WDR3: variants seen among roughly 807,000 people sequenced by gnomAD.
WDR3 encodes WD repeat domain 3.
Under a neutral mutation model 123.7 loss-of-function variants are expected in WDR3, and 81 were observed. The observed-to-expected ratio is 0.65, with a 90% CI of 0.55 to 0.79. The LOEUF is 0.79. Among genes scored for constraint, WDR3 ranks in the 30% least tolerant of loss-of-function variants. WDR3 has a pLI of 0.00. For missense variants in WDR3, 1,027 were observed against 1,123.2 expected, an observed-to-expected ratio of 0.91 and a Z score of 1.22; for synonymous variants, 390 against 388.8, an observed-to-expected ratio of 1.00 and a Z score of -0.04.
chr1:117,955,571 A>G (rs1337747646), intron 24 of WDR3, among the ~76,000 whole-genome samples: 1 of 152,164 alleles, frequency 6.6e-6, no homozygotes, highest in Admixed American at 6.5e-5. Flanking sequence ...GCTTTTAAGG[A>G]CAAATAAAGG....
chr1:117,934,457 A>T lies in WDR3; in HGVS notation c.172-16A>T. 4 of 1,612,122 alleles carry T rather than the reference A, an allele frequency of 2.5e-6. No individual in the cohort carries two copies. The highest frequency in any genetic ancestry group is 3.4e-6 in the Non-Finnish European group (4 of 1,179,394). Reference sequence around the variant, plus strand: ...GCTTAACTCTTCTACATTGTTTTTAATTTTTATGATTTCAGATTCTTATCC... The same window carrying T: ...GCTTAACTCTTCTACATTGTTTTTATTTTTTATGATTTCAGATTCTTATCC... On this transcript the variant is annotated splice_polypyrimidine_tract_variant and intron_variant, in intron 2 of 26. Transcript: ENST00000349139.
rs895818496 is a variant in WDR3 at position 117,964,452 on chromosome 1, G to A, written c.*5005G>A. On this transcript the variant is annotated 3_prime_UTR_variant, in exon 27 of 27. Transcript: ENST00000349139. ...CAGGTATTTGCATCTAATAACCTGT[G>A]TGGAGAGGGTAAGGGCACTTGATTT... 6.6e-6 allele frequency: 1 copy of A among 152,264 alleles called. No individual in the cohort carries two copies. The highest frequency in any genetic ancestry group is 2.4e-5 in the African/African-American group (1 of 41,412). 9.4% of individuals were successfully genotyped at this position (152,264 alleles called of 1,614,324 possible). A position where few individuals can be genotyped will look rare whatever the true frequency, so the allele number is the denominator to read the frequency against.
At chr1:117,948,841 C>T (rs117391080) in intron 13 of WDR3, among the ~76,000 whole-genome samples, 2 of 152,236 alleles carry the variant, frequency 1.3e-5, no homozygotes, top group East Asian at 3.9e-4. Flanking sequence ...CTCAAACAAA[C>T]ATCTATGACT....
At chr1:117,956,364 C>G (rs1652193878) in intron 24 of WDR3, among the ~76,000 whole-genome samples, 3 of 152,122 alleles carry the variant, frequency 2.0e-5, no homozygotes, top group Non-Finnish European at 2.9e-5. Context: ...GTTTGAACTA[C>G]TGAAGGCTAT....
At chr1:117,955,423 A>G (rs1652057752) in intron 24 of WDR3, 65 bp downstream of exon 24, 1 of 1,432,968 alleles carries the variant, frequency 7.0e-7, no homozygotes, top group Non-Finnish European at 9.7e-7. Flanking sequence ...TGCTTATCTG[A>G]ACGGGAAATA....
intron 13 of WDR3, among the ~76,000 whole-genome samples, chr1:117,949,538 C>T (rs922641995): frequency 6.6e-6 from 1 of 152,112 alleles, no homozygotes; most frequent in Non-Finnish European, 1.5e-5. Flanking sequence ...GTTATTATTT[C>T]TGCCTATGTT....
chr1:117,960,862 A>G lies in WDR3; in HGVS notation c.*1415A>G, dbSNP rs545570520. 1 of 152,376 alleles carries G rather than the reference A, an allele frequency of 6.6e-6. No individual in the cohort carries two copies. The highest frequency in any genetic ancestry group is 6.5e-5 in the Admixed American group (1 of 15,308). 9.4% of individuals were successfully genotyped at this position (152,376 alleles called of 1,614,324 possible). On this transcript the variant is annotated 3_prime_UTR_variant, in exon 27 of 27. Transcript: ENST00000349139. ...ATTTGCGTGTATTTTATGGCAGTAA[A>G]TGATAAAATAGTCTAGTATCTACAT... is the stretch of plus-strand genomic sequence containing the variant.
chr1:117,952,566 C>T lies in WDR3; in HGVS notation c.2055C>T (p.Pro685=). 1 of 1,613,434 alleles carries T rather than the reference C, an allele frequency of 6.2e-7. No individual in the cohort carries two copies. Among genetic ancestry groups the T allele is most frequent in the Non-Finnish European group, 8.5e-7 (1 of 1,179,616 alleles). The change falls in exon 19 of 27, where the codon CCC becomes CCT. Residue 685 remains proline (P), a synonymous_variant. Coordinates refer to ENST00000349139, the MANE Select transcript of WDR3 (RefSeq NM_006784.3). ...HQEIWCLAVS[P]SGDYVVSSSH... ...AAATATGGTGTTTGGCTGTAAGCCC[C>T]AGTGGAGACTATGTTGTATCATCGT...
chr1:117,949,854 G>A lies in WDR3; in HGVS notation c.1610+18G>A, dbSNP rs1651541092. 3.1e-6 allele frequency: 5 copies of A among 1,612,600 alleles called. No individual in the cohort carries two copies. The highest frequency in any genetic ancestry group is 2.2e-5 in the East Asian group (1 of 44,868). Reference sequence around the variant, plus strand: ...CAAAAGAGGTGAGTAGACATTTTTTGTGTCCATTTTTTGGAGTGAAAATGG... The same window carrying A: ...CAAAAGAGGTGAGTAGACATTTTTTATGTCCATTTTTTGGAGTGAAAATGG... On this transcript the variant is annotated intron_variant, in intron 14 of 26. Coordinates refer to ENST00000349139, the MANE Select transcript of WDR3 (RefSeq NM_006784.3).
chr1:117,938,550 C>A lies in WDR3; in HGVS notation c.571C>A (p.Arg191=). 6.2e-7 allele frequency: 1 copy of A among 1,612,970 alleles called. No homozygotes were observed. The highest frequency in any genetic ancestry group is 8.5e-7 in the Non-Finnish European group (1 of 1,179,198). The change falls in exon 5 of 27, where the codon CGG becomes AGG. Residue 191 remains arginine, a synonymous_variant. Coordinates refer to ENST00000349139, the MANE Select transcript of WDR3 (RefSeq NM_006784.3). ...QHCFKTMVGH[R]TEVWGLVLLS... ...CTGCTTTAAAACAATGGTTGGCCAC[C>A]GGACTGAGGTAAGTGTAGGGTCATG...
rs759295226 is a variant in WDR3, at chr1:117,943,390, G to C, written c.1098-6G>C. 6.2e-7 allele frequency: 1 copy of C among 1,609,998 alleles called. No individual in the cohort carries two copies. The highest frequency in any genetic ancestry group is 1.1e-5 in the South Asian group (1 of 90,542). On this transcript the variant is annotated splice_polypyrimidine_tract_variant and splice_region_variant and intron_variant, in intron 10 of 26. Transcript: ENST00000349139. ...CTAGAACATTTATGATTATTTTCTT[G>C]TACAGGTCCTTTGACTTGATTCATT...
intron 21 of WDR3, 135 bp downstream of exon 21, chr1:117,953,676 C>G: frequency 1.3e-6 from 1 of 784,870 alleles, no homozygotes; most frequent in Non-Finnish European, 2.0e-6. Flanking sequence ...GGATTATAAC[C>G]TGTTTCCTTC....
chr1:117,933,086 C>G (rs1650791601), intron 1 of WDR3, among the ~76,000 whole-genome samples: 1 of 151,776 alleles, frequency 6.6e-6, no homozygotes, highest in South Asian at 2.1e-4. Flanking sequence ...TGCCTGTAGT[C>G]CCAGCTACTC....
In WDR3 at chr1:117,940,935, G is replaced by C; in HGVS notation, c.784G>C (p.Glu262Gln). Residue 262 changes from glutamate (E) to glutamine (Q), a missense_variant, in exon 7 of 27, where the codon GAG (glutamate) becomes CAG (glutamine). Glu to Gln is a conservative substitution (Grantham distance 29). Coordinates refer to ENST00000349139, the MANE Select transcript of WDR3 (RefSeq NM_006784.3). ...DGAFETDEAP[E>Q]DRILSCRKAG... ...TGCCTTTGAGACGGATGAAGCCCCT[G>C]AGGATGTAATTCATTTTCATTTCTT... is the stretch of plus-strand genomic sequence containing the variant. The C allele has an allele frequency of 1.2e-6, 2 of 1,608,142 alleles. No individual in the cohort carries two copies. The highest frequency in any genetic ancestry group is 2.7e-5 in the African/African-American group (2 of 74,506).
chr1:117,958,826 T>A (rs1044445282), intron 25 of WDR3, 84 bp from the exon 26 acceptor site: 4 of 908,240 alleles, frequency 4.4e-6, no homozygotes, highest in Admixed American at 4.9e-5. Flanking sequence ...GTTGCTTTGA[T>A]ATTGTGTCTG....
At chr1:117,958,048 C>T (rs1357641655) in intron 25 of WDR3, among the ~76,000 whole-genome samples, 2 of 152,320 alleles carry the variant, frequency 1.3e-5, no homozygotes, top group Non-Finnish European at 2.9e-5. Flanking sequence ...CTCTCACCCT[C>T]ATTCTCAAGC....
intron 1 of WDR3, among the ~76,000 whole-genome samples, chr1:117,931,096 A>C (rs982081608): frequency 6.6e-6 from 1 of 152,140 alleles, no homozygotes; most frequent in African/African-American, 2.4e-5. Context: ...ATGCCTGGTT[A>C]ATTTTTTAAA....
rs1051366087 is a variant in WDR3, at chr1:117,959,285, A to C, written c.2677-7A>C. ...AATTTTTTAATATTTCTTGTATTGC[A>C]CTCCAGGATGTTATCGGCTTCAATA... is the stretch of plus-strand genomic sequence containing the variant. On this transcript the variant is annotated splice_region_variant and splice_polypyrimidine_tract_variant and intron_variant, in intron 26 of 26. Transcript: ENST00000349139. 19 of 1,606,508 alleles carry C rather than the reference A, an allele frequency of 1.2e-5. No homozygotes were observed. Among genetic ancestry groups the C allele is most frequent in the Non-Finnish European group, 1.5e-5 (18 of 1,177,848 alleles).
chr1:117,960,619 A>G lies in WDR3; in HGVS notation c.*1172A>G, dbSNP rs1244099818. 1 of 152,226 alleles carries G rather than the reference A, an allele frequency of 6.6e-6. No homozygotes were observed. The highest frequency in any genetic ancestry group is 2.4e-5 in the African/African-American group (1 of 41,458). 9.4% of individuals were successfully genotyped at this position (152,226 alleles called of 1,614,324 possible). A position where few individuals can be genotyped will look rare whatever the true frequency, so the allele number is the denominator to read the frequency against. ...ATGAGTTGTTCATGCACAGGTGATT[A>G]GTGTCACAGCATTTTAAGTGCATAC... On this transcript the variant is annotated 3_prime_UTR_variant, in exon 27 of 27. Coordinates refer to ENST00000349139, the MANE Select transcript of WDR3 (RefSeq NM_006784.3).
Sources: gnomAD v4.1 joint callset for allele counts (sites outside exome capture counted in the v4.1 genomes callset) on GRCh38, gnomAD v4.1.1 for gene constraint, MANE v1.5 for transcripts, NCBI Gene and HGNC (gene_info 2026-07-23, HGNC 2026-07-21) for gene names.